Variants in ATP8B2 observed in about 807,000 individuals in gnomAD.
ATP8B2 encodes the protein phospholipid-transporting ATPase ID.
Under a neutral mutation model 133.4 loss-of-function variants are expected in ATP8B2, and 70 were observed. The observed-to-expected ratio is 0.52, with a 90% CI of 0.43 to 0.64. The LOEUF is 0.64. Among genes scored for constraint, ATP8B2 ranks in the 30% least tolerant of loss-of-function variants. The pLI, the probability that ATP8B2 is intolerant of heterozygous loss-of-function variation, is 0.00. For missense variants in ATP8B2, 1,101 were observed against 1,535.7 expected (o/e 0.72, Z 4.73); for synonymous variants, 517 against 589.5 (o/e 0.88, Z 1.78).
At position 154,340,646 on chromosome 1, in the gene ATP8B2, A is replaced by AGGGTC. The variant is rs1026949361; in HGVS notation, c.1035-199_1035-195dup. 15 of 596,846 alleles carry AGGGTC rather than the reference A, an allele frequency of 2.5e-5. No homozygotes were observed. The African/African-American group carries it at 2.6e-4, about 10-fold the overall frequency. 37.0% of individuals were successfully genotyped at this position (596,846 alleles called of 1,614,324 possible). On this transcript the variant is annotated intron_variant, in intron 12 of 27. Coordinates refer to ENST00000368489, the MANE Select transcript of ATP8B2 (RefSeq NM_001370597.1). The surrounding 1 kb of genome is among the most constrained non-coding windows in gnomAD (Gnocchi z 4.0). ...ACCTTCTTGTCTGGAGAGCATCAGGAGGGTCGGGTCGGGGCGTTCCTCTGC... is the reference window on the plus strand; with the variant it reads ...ACCTTCTTGTCTGGAGAGCATCAGGAGGGTCGGGTCGGGTCGGGGCGTTCCTCTGC...
chr1:154,342,874 G>A lies in ATP8B2; in HGVS notation c.1366G>A (p.Ala456Thr), dbSNP rs374968442. ...FLFWDPSLLE[A>T]VKIGDPHTHE... ...ATTTTGGGACCCCAGCCTGCTGGAG[G>A]CTGTCAAGATCGGGGACCCCCACAC... The change falls in exon 15 of 28, where the codon GCT (alanine) becomes ACT (threonine). Residue 456 changes from alanine to threonine, a missense_variant. Transcript: ENST00000368489. The A allele has an allele frequency of 6.8e-5, 109 of 1,614,154 alleles. No homozygotes were observed. Among genetic ancestry groups the A allele is most frequent in the Middle Eastern group, 4.9e-4 (3 of 6,062 alleles).
intron 12 of ATP8B2, chr1:154,338,814 A>T (rs1686284285): frequency 6.6e-6 from 1 of 152,236 alleles, no homozygotes; most frequent in Non-Finnish European, 1.5e-5. Context: ...CCCCACAAAA[A>T]GAAAAAAATG....
intron 1 of ATP8B2, chr1:154,327,763 G>A (rs1468046051): frequency 3.1e-6 from 5 of 1,595,420 alleles, no homozygotes; most frequent in Non-Finnish European, 4.3e-6. Context: ...ACTACTCATT[G>A]CCGCCAGAAC....
At position 154,345,199 on chromosome 1, in the gene ATP8B2, G is replaced by A. The variant is rs987761268; in HGVS notation, c.2470+45G>A. 1 of 1,603,056 alleles carries A rather than the reference G, an allele frequency of 6.2e-7. No homozygotes were observed. Among genetic ancestry groups the A allele is most frequent in the Non-Finnish European group, 8.5e-7 (1 of 1,172,786 alleles). ...GTGTGTAGGCTGGGCTTGAGGCTGGGGAGGGGCCCACTGAGGTCTCTGGAC... is the reference window on the plus strand; with the variant it reads ...GTGTGTAGGCTGGGCTTGAGGCTGGAGAGGGGCCCACTGAGGTCTCTGGAC... On this transcript the variant is annotated intron_variant, in intron 22 of 27. Coordinates refer to ENST00000368489, the MANE Select transcript of ATP8B2 (RefSeq NM_001370597.1). This position sits in a 1 kb window ranked among gnomAD's most constrained non-coding sequence, Gnocchi z 5.6.
rs141677991 is a variant in ATP8B2, at chr1:154,326,811, T to C, written c.-38+1109T>C. On this transcript the variant is annotated intron_variant, in intron 1 of 27. Transcript: ENST00000368489. ...CAAGGGCGGGGCTGCCTGTAGAACTTGTGATGCCCACTCTTGCATCCTTTA... is the reference window on the plus strand; with the variant it reads ...CAAGGGCGGGGCTGCCTGTAGAACTCGTGATGCCCACTCTTGCATCCTTTA... Among the ~76,000 whole-genome samples, 514 of 152,306 alleles carry C rather than the reference T, an allele frequency of 3.4e-3. 6 individuals are homozygous for C. Among genetic ancestry groups the C allele is most frequent in the African/African-American group, 0.012 (494 of 41,558 alleles).
At chr1:154,336,632 T>G (rs1570857805) in intron 11 of ATP8B2, among the ~76,000 whole-genome samples, 1 of 150,792 alleles carries the variant, frequency 6.6e-6, no homozygotes, top group East Asian at 1.9e-4. Flanking sequence ...GGATTACAGG[T>G]GCCCGCCACC....
chr1:154,333,562 C>A (rs1686075694), intron 9 of ATP8B2, among the ~76,000 whole-genome samples: 1 of 150,680 alleles, frequency 6.6e-6, no homozygotes, highest in South Asian at 2.1e-4. Flanking sequence ...GCTGAAGTAG[C>A]CACATTAATT....
Position 154,346,691 on chromosome 1 carries a change from T to C in ATP8B2, c.3096T>C (p.Phe1032=), listed in dbSNP as rs770283700. 1 of 1,614,102 alleles carries C rather than the reference T, an allele frequency of 6.2e-7. No homozygotes were observed. The highest frequency in any genetic ancestry group is 8.5e-7 in the Non-Finnish European group (1 of 1,180,046). Residue 1032 remains phenylalanine, a synonymous_variant, in exon 26 of 28, where the codon TTT becomes TTC. Coordinates refer to ENST00000368489, the MANE Select transcript of ATP8B2 (RefSeq NM_001370597.1). This position sits in a 1 kb window ranked among gnomAD's most constrained non-coding sequence, Gnocchi z 4.5. ...FFIWGSLAVY[F]AILFAMHSNG... is the part of the protein sequence containing the mutation. ...TCTGGGGAAGCCTTGCTGTTTACTT[T>C]GCCATCCTCTTTGCCATGCACAGCA... is the stretch of plus-strand genomic sequence containing the variant.
chr1:154,342,607 C>G, intron 14 of ATP8B2, 84 bp downstream of exon 14: 1 of 1,503,582 alleles, frequency 6.7e-7, no homozygotes, highest in East Asian at 2.3e-5. Context: ...GATGTGTTGT[C>G]TGGATAGGAA....
In ATP8B2 at chr1:154,331,933, C is replaced by G. The variant is rs368938150; in HGVS notation, c.439-21C>G. Reference sequence around the variant, plus strand: ...GGTGGAGGTTTGCATATTTGGACTTCTCATTAGTTTTTCTCTCTAGGCGGA... The same window carrying G: ...GGTGGAGGTTTGCATATTTGGACTTGTCATTAGTTTTTCTCTCTAGGCGGA... On this transcript the variant is annotated intron_variant, in intron 7 of 27. Coordinates refer to ENST00000368489, the MANE Select transcript of ATP8B2 (RefSeq NM_001370597.1). The surrounding 1 kb of genome is among the most constrained non-coding windows in gnomAD (Gnocchi z 4.8). 6.2e-7 allele frequency: 1 copy of G among 1,609,314 alleles called. No individual in the cohort carries two copies. The highest frequency in any genetic ancestry group is 8.5e-7 in the Non-Finnish European group (1 of 1,175,610).
In ATP8B2 at chr1:154,345,857, G is replaced by A. The variant is rs768578453; in HGVS notation, c.2752G>A (p.Val918Ile). 3 of 1,613,410 alleles carry A rather than the reference G, an allele frequency of 1.9e-6. No individual in the cohort carries two copies. The highest frequency in any genetic ancestry group is 1.7e-6 in the Non-Finnish European group (2 of 1,179,348). ...LYNIVYTSLP[V>I]LAMGVFDQDV... ...TAACATCGTGTACACCTCCCTGCCA[G>A]TCCTGGCTATGGGGGTCTTTGATCA... Residue 918 changes from valine to isoleucine, a missense_variant, in exon 24 of 28, where the codon GTC (valine) becomes ATC (isoleucine). Val to Ile is a conservative substitution (Grantham distance 29, BLOSUM62 3). Transcript: ENST00000368489. This position sits in a 1 kb window ranked among gnomAD's most constrained non-coding sequence, Gnocchi z 5.6.
intron 12 of ATP8B2, among the ~76,000 whole-genome samples, chr1:154,339,998 A>G (rs148862853): frequency 5.1e-4 from 78 of 152,238 alleles, no homozygotes; most frequent in African/African-American, 1.7e-3. Context: ...TGTGGGCAAC[A>G]CAGCGAGATC....
chr1:154,326,278 A>G (rs1419554521), intron 1 of ATP8B2, among the ~76,000 whole-genome samples: 2 of 151,942 alleles, frequency 1.3e-5, no homozygotes, highest in Non-Finnish European at 2.9e-5. Flanking sequence ...CTCGAGTTCC[A>G]TTTCCTCCTG....
Position 154,344,385 on chromosome 1 carries a change from C to G in ATP8B2, c.2036-10C>G. 6.2e-7 allele frequency: 1 copy of G among 1,614,172 alleles called. No individual in the cohort carries two copies. The highest frequency in any genetic ancestry group is 8.5e-7 in the Non-Finnish European group (1 of 1,180,020). The stretch of plus-strand genomic sequence containing the variant: ...TGCCTGTCCGTAGCTCCTGCGTTCT[C>G]TCTTGGTAGAGACGGCTGTGAACAT... On this transcript the variant is annotated splice_polypyrimidine_tract_variant and intron_variant, in intron 19 of 27. Transcript: ENST00000368489. This position sits in a 1 kb window ranked among gnomAD's most constrained non-coding sequence, Gnocchi z 4.1.
In ATP8B2 at chr1:154,346,406, C is replaced by G; in HGVS notation, c.2954C>G (p.Thr985Ser). The G allele has an allele frequency of 1.2e-6, 2 of 1,614,200 alleles. No individual in the cohort carries two copies. Among genetic ancestry groups the G allele is most frequent in the Middle Eastern group, 1.6e-4 (1 of 6,062 alleles). ...VFADATRDDGTQLADYQSFAV... is the reference protein window; with the variant it reads ...VFADATRDDGSQLADYQSFAV... ...GCTGATGCCACCCGGGATGATGGCA[C>G]TCAGCTGGCTGACTACCAGTCCTTT... The change falls in exon 25 of 28, where the codon ACT becomes AGT. Residue 985 changes from threonine (T) to serine (S), a missense_variant. Coordinates refer to ENST00000368489, the MANE Select transcript of ATP8B2 (RefSeq NM_001370597.1). The surrounding 1 kb of genome is among the most constrained non-coding windows in gnomAD (Gnocchi z 4.5).
At position 154,350,307 on chromosome 1, in the gene ATP8B2, G is replaced by C. The variant is rs1301473928; in HGVS notation, c.*1189G>C. Reference sequence around the variant, plus strand: ...GCTAGTCTTGAATTCCTGACCTCCTGACCTGCCCACCTCAACCTCCCAAAG... The same window carrying C: ...GCTAGTCTTGAATTCCTGACCTCCTCACCTGCCCACCTCAACCTCCCAAAG... On this transcript the variant is annotated 3_prime_UTR_variant, in exon 28 of 28. Transcript: ENST00000368489. 3.3e-5 allele frequency: 5 copies of C among 152,158 alleles called. No individual in the cohort carries two copies. Among genetic ancestry groups the C allele is most frequent in the Non-Finnish European group, 7.3e-5 (5 of 68,044 alleles). The allele number at this position is 152,158 out of a possible 1,614,324, so 9.4% of individuals were successfully genotyped here. A position where few individuals can be genotyped will look rare whatever the true frequency, so the allele number is the denominator to read the frequency against.
intron 26 of ATP8B2, among the ~76,000 whole-genome samples, chr1:154,347,800 C>T (rs1641375063): frequency 6.6e-6 from 1 of 152,002 alleles, no homozygotes; most frequent in Non-Finnish European, 1.5e-5. Flanking sequence ...ATTAGCCGGA[C>T]TTGGTGGCAC....
chr1:154,336,041 CAAA>C (rs34783907), intron 11 of ATP8B2, among the ~76,000 whole-genome samples: 7 of 96,564 alleles, frequency 7.2e-5, no homozygotes, highest in African/African-American at 1.1e-4. Flanking sequence ...GGCTCCATCT[CAAA>C]AAAAAAAAAA....
At position 154,348,418 on chromosome 1, in the gene ATP8B2, G is replaced by A; in HGVS notation, c.3174G>A (p.Gln1058=). The A allele has an allele frequency of 6.2e-7, 1 of 1,608,058 alleles. No individual in the cohort carries two copies. The highest frequency in any genetic ancestry group is 8.5e-7 in the Non-Finnish European group (1 of 1,175,144). ...PNQFRFVGNA[Q]NTLAQPTVWL... ...CCTCTTCATCCCCAGGGAATGCCCA[G>A]AACACCTTGGCCCAGCCCACGGTGT... The change falls in exon 27 of 28, where the codon CAG becomes CAA. Residue 1058 remains glutamine, a synonymous_variant. Coordinates refer to ENST00000368489, the MANE Select transcript of ATP8B2 (RefSeq NM_001370597.1).
Sources: allele counts gnomAD v4.1 joint callset (sites outside exome capture counted in the v4.1 genomes callset), GRCh38; gene constraint gnomAD v4.1.1; non-coding constraint Gnocchi (gnomAD v3.1); transcripts MANE v1.5; gene names NCBI Gene and HGNC (gene_info 2026-07-23, HGNC 2026-07-21).